Variants in TLN2 observed in about 807,000 individuals in gnomAD.
TLN2 encodes the protein talin 2.
In TLN2, 118 loss-of-function variants were observed where a neutral mutation model predicts 294.7. The ratio of observed to expected loss-of-function variants is 0.40; its 90% CI spans 0.34 to 0.47. TLN2 has a LOEUF of 0.47. Among genes scored for constraint, TLN2 ranks in the 20% least tolerant of loss-of-function variants. The probability of loss-of-function intolerance (pLI) is 0.84; values close to 1 mark genes in which losing one functional copy is unlikely to be tolerated. For synonymous variants in TLN2, 1,431 were observed against 1,304.5 expected, an observed-to-expected ratio of 1.10 and a Z score of -2.09; for missense variants, 3,083 against 3,282.2, an observed-to-expected ratio of 0.94 and a Z score of 1.48.
intron 1 of TLN2, among the ~76,000 whole-genome samples, chr15:62,504,852 A>AT (rs2039513750): frequency 7.9e-6 from 1 of 127,354 alleles, no homozygotes; most frequent in Non-Finnish European, 1.6e-5. Flanking sequence ...TGTGTGAGAG[A>AT]GAGAGAGAGA....
chr15:62,627,035 G>T (rs763272651), intron 3 of TLN2, among the ~76,000 whole-genome samples: 5 of 152,236 alleles, frequency 3.3e-5, no homozygotes, highest in Admixed American at 6.5e-5. Flanking sequence ...TGCTGGGGTT[G>T]CAAGGAAGGG....
At position 62,740,656 on chromosome 15, in the gene TLN2, A is replaced by G. The variant is rs201691761; in HGVS notation, c.3912A>G (p.Ile1304Met). The G allele has an allele frequency of 2.0e-5, 32 of 1,614,204 alleles. No homozygotes were observed. In the East Asian group the frequency reaches 3.6e-4, roughly 18 times the overall value. ...CAAAAGAAGACCAGATCCAAGTGAT[A>G]GGGAACCTCAAGAATATCTCGATGG... Reference protein sequence around the residue: ...AQTKEDQIQVIGNLKNISMAS... With the variant: ...AQTKEDQIQVMGNLKNISMAS... Residue 1304 changes from isoleucine to methionine, a missense_variant, in exon 32 of 59, where the codon ATA becomes ATG. Coordinates refer to ENST00000636159, the MANE Select transcript of TLN2 (RefSeq NM_015059.3).
intron 1 of TLN2, among the ~76,000 whole-genome samples, chr15:62,580,364 C>A (rs2044828080): frequency 6.6e-6 from 1 of 151,804 alleles, no homozygotes; most frequent in Admixed American, 6.6e-5. Context: ...ACCTAAAGAC[C>A]ATAGTTTACC....
chr15:62,766,540 C>T, intron 41 of TLN2, 118 bp downstream of exon 41: 1 of 900,014 alleles, frequency 1.1e-6, no homozygotes, highest in Non-Finnish European at 1.7e-6. Flanking sequence ...TGCCTGAGTC[C>T]AATGCTCGTT....
At chr15:62,573,980 G>A (rs1051227406) in intron 1 of TLN2, among the ~76,000 whole-genome samples, 5 of 152,060 alleles carry the variant, frequency 3.3e-5, no homozygotes, top group African/African-American at 7.2e-5. Flanking sequence ...AGTCAAAGGC[G>A]GGGAAAAGAT....
At chr15:62,706,182 T>G (rs182495991) in intron 19 of TLN2, among the ~76,000 whole-genome samples, 54 of 151,760 alleles carry the variant, frequency 3.6e-4, no homozygotes, top group African/African-American at 1.3e-3. Context: ...CAAATAAAAA[T>G]GGCTCATATG....
At chr15:62,408,754 G>T (rs1173222413) in intron 1 of TLN2, among the ~76,000 whole-genome samples, 1 of 152,136 alleles carries the variant, frequency 6.6e-6, no homozygotes, top group East Asian at 1.9e-4. Flanking sequence ...AATACCTGGA[G>T]ATTTTAATTT....
intron 1 of TLN2, among the ~76,000 whole-genome samples, chr15:62,477,941 G>A (rs1359567583): frequency 6.6e-6 from 1 of 151,844 alleles, no homozygotes; most frequent in Admixed American, 6.6e-5. Flanking sequence ...GCGGGGCGTT[G>A]CAGGCTCAAC....
At chr15:62,531,108 T>C (rs372667241) in intron 1 of TLN2, among the ~76,000 whole-genome samples, 7 of 152,360 alleles carry the variant, frequency 4.6e-5, no homozygotes, top group East Asian at 3.9e-4. Context: ...GAAGTCAGTT[T>C]ATGGAGATCT....
intron 1 of TLN2, among the ~76,000 whole-genome samples, chr15:62,408,193 G>T (rs1417685472): frequency 1.3e-5 from 2 of 152,010 alleles, no homozygotes; most frequent in African/African-American, 4.8e-5. Flanking sequence ...AAACTGAGAG[G>T]GTGTGGCCTT....
intron 1 of TLN2, among the ~76,000 whole-genome samples, chr15:62,458,174 G>A (rs1430042909): frequency 6.6e-6 from 1 of 152,046 alleles, no homozygotes; most frequent in African/African-American, 2.4e-5. Context: ...GCATCTCGTT[G>A]GTGGGAGTGA....
chr15:62,838,800 G>C (rs1358656250), intron 57 of TLN2, 56 bp from the exon 58 acceptor site: 1 of 1,596,508 alleles, frequency 6.3e-7, no homozygotes, highest in Non-Finnish European at 8.5e-7. Context: ...GTCTATTCTT[G>C]CCAGGCCCAA....
intron 1 of TLN2, among the ~76,000 whole-genome samples, chr15:62,477,297 C>T (rs530829437): frequency 6.6e-5 from 10 of 152,298 alleles, no homozygotes; most frequent in Admixed American, 5.2e-4. Context: ...CCTTCTAGAC[C>T]ACACTTGGAG....
At chr15:62,533,245 C>T (rs1032288392) in intron 1 of TLN2, among the ~76,000 whole-genome samples, 5 of 115,742 alleles carry the variant, frequency 4.3e-5, no homozygotes, top group African/African-American at 1.7e-4. Flanking sequence ...CAGAGTGAGA[C>T]TCTGTCTCAA....
intron 48 of TLN2, 33 bp downstream of exon 48, chr15:62,797,435 G>T: frequency 6.4e-7 from 1 of 1,553,112 alleles, no homozygotes; most frequent in Non-Finnish European, 8.6e-7. Context: ...GCGTCCTCCC[G>T]GTCTTCCCGT....
In TLN2 at chr15:62,464,540, T is replaced by G. The variant is rs569737822; in HGVS notation, c.-238+73855T>G. Among the ~76,000 whole-genome samples, 25 of 151,928 alleles carry G rather than the reference T, an allele frequency of 1.6e-4. 1 individual carries two copies. The highest frequency in any genetic ancestry group is 6.0e-4 in the African/African-American group (25 of 41,402). The stretch of plus-strand genomic sequence containing the variant: ...ATACCTATATATCAAACCTGCAGAT[T>G]GTGCACATGTACCCTAGAACTTAAA... On this transcript the variant is annotated intron_variant, in intron 1 of 58. Transcript: ENST00000636159.
At chr15:62,586,742 T>C (rs1041960665) in intron 1 of TLN2, among the ~76,000 whole-genome samples, 12 of 152,350 alleles carry the variant, frequency 7.9e-5, no homozygotes, top group African/African-American at 2.9e-4. Flanking sequence ...TCTGTACAAT[T>C]ATGTCTCCTT....
In TLN2 at chr15:62,753,703, G is replaced by A. The variant is rs1392215758; in HGVS notation, c.4333-70G>A. 3.3e-6 allele frequency: 5 copies of A among 1,525,524 alleles called. No individual in the cohort carries two copies. In the Admixed American group the frequency reaches 6.1e-5, roughly 19 times the overall value. 94.5% of individuals were successfully genotyped at this position (1,525,524 alleles called of 1,614,324 possible). On this transcript the variant is annotated intron_variant, in intron 35 of 58. Coordinates refer to ENST00000636159, the MANE Select transcript of TLN2 (RefSeq NM_015059.3). ...GTGTGACAGCTGCATGTGTAGTGCG[G>A]ACCATCATCCCCAGCAGGCTCACCT...
intron 42 of TLN2, among the ~76,000 whole-genome samples, chr15:62,772,724 G>T (rs1047448350): frequency 6.6e-6 from 1 of 151,664 alleles, no homozygotes; most frequent in Non-Finnish European, 1.5e-5. Flanking sequence ...GTGCAATGGC[G>T]CGATCTCGGC....
Sources: gnomAD v4.1 joint callset for allele counts (sites outside exome capture counted in the v4.1 genomes callset) on GRCh38, gnomAD v4.1.1 for gene constraint, MANE v1.5 for transcripts, NCBI Gene and HGNC (gene_info 2026-07-23, HGNC 2026-07-21) for gene names.